AQP3: variants seen among roughly 807,000 people sequenced by gnomAD.
AQP3 encodes aquaporin-3.
In AQP3, 15 loss-of-function variants were observed where a neutral mutation model predicts 30.3. That is an observed-to-expected ratio of 0.49 (90% confidence interval 0.33 to 0.76). The LOEUF is 0.76. Ranked by LOEUF, AQP3 falls within the 30% of genes least tolerant of loss-of-function variation. The pLI is 0.02. For missense variants in AQP3, 272 were observed against 384.8 expected (o/e 0.71, Z 2.45); for synonymous variants, 153 against 163.2 (o/e 0.94, Z 0.47).
At chr9:33,444,264 A>G (rs1288762723) in intron 1 of AQP3, among the ~76,000 whole-genome samples, 1 of 152,102 alleles carries the variant, frequency 6.6e-6, no homozygotes, top group Non-Finnish European at 1.5e-5. Context: ...CCTGGACCAT[A>G]AAGGTGGGAA....
intron 1 of AQP3, among the ~76,000 whole-genome samples, chr9:33,446,796 T>C (rs1053721756): frequency 3.3e-5 from 5 of 152,192 alleles, no homozygotes; most frequent in Non-Finnish European, 5.9e-5. Context: ...GAGCACCAGG[T>C]GAGCAACTTT....
intron 1 of AQP3, 105 bp downstream of exon 1, chr9:33,447,318 G>A: frequency 2.0e-6 from 2 of 1,015,682 alleles, no homozygotes; most frequent in Non-Finnish European, 3.0e-6. Context: ...CAGCTGGGGA[G>A]GTGGGTCCAG....
Position 33,447,545 on chromosome 9 carries a change from C to A in AQP3, c.-15G>T. The A allele has an allele frequency of 6.3e-7, 1 of 1,576,300 alleles. No homozygotes were observed. The highest frequency in any genetic ancestry group is 8.6e-7 in the Non-Finnish European group (1 of 1,159,026). On this transcript the variant is annotated 5_prime_UTR_variant, in exon 1 of 6. Transcript: ENST00000297991. ...TGTCGACCCATGGCGGGGCAGGCGG[C>A]GGCGCTGTCGGGCGGGCAGGGGTGG... is the stretch of plus-strand genomic sequence containing the variant.
chr9:33,445,255 G>C (rs1427277868), intron 1 of AQP3, among the ~76,000 whole-genome samples: 2 of 152,180 alleles, frequency 1.3e-5, no homozygotes, highest in Admixed American at 6.5e-5. Context: ...CTGCTCCAAT[G>C]CCTTGCCCTG....
intron 1 of AQP3, 142 bp from the exon 2 acceptor site, chr9:33,444,034 G>T: frequency 9.3e-7 from 1 of 1,071,600 alleles, no homozygotes; most frequent in Non-Finnish European, 1.3e-6. Context: ...AACCCCTTCT[G>T]CTGTAATTGC....
Position 33,442,392 on chromosome 9 carries a change from C to T in AQP3, c.619G>A (p.Gly207Ser), listed in dbSNP as rs1385647315. 6.2e-7 allele frequency: 1 copy of T among 1,611,844 alleles called. No homozygotes were observed. The highest frequency in any genetic ancestry group is 8.5e-7 in the Non-Finnish European group (1 of 1,179,412). ...LVVLVIGTSMGFNSGYAVNPA... is the reference protein window; with the variant it reads ...LVVLVIGTSMSFNSGYAVNPA... ...TTGACGGCATAGCCGGAGTTGAAGC[C>T]CATGGAGGTGCCAATGACCAGGACC... The change falls in exon 5 of 6, where the codon GGC (glycine) becomes AGC (serine). Residue 207 changes from glycine to serine, a missense_variant. Around this residue, in one of 3 missense-constraint regions of AQP3, gnomAD observed 170 missense variants for 286.4 expected, o/e 0.59. Transcript: ENST00000297991.
Position 33,442,367 on chromosome 9 carries a change from T to C in AQP3, c.644A>G (p.Asn215Ser). The stretch of plus-strand genomic sequence containing the variant: ...GCGGGGGCCAAAGTCCCGGGCAGGG[T>C]TGACGGCATAGCCGGAGTTGAAGCC... ...SMGFNSGYAVNPARDFGPRLF... is the reference protein window; with the variant it reads ...SMGFNSGYAVSPARDFGPRLF... Residue 215 changes from asparagine to serine, a missense_variant, in exon 5 of 6, where the codon AAC (asparagine) becomes AGC (serine). Around this residue, in one of 3 missense-constraint regions of AQP3, gnomAD observed 170 missense variants for 286.4 expected, o/e 0.59. Coordinates refer to ENST00000297991, the MANE Select transcript of AQP3 (RefSeq NM_004925.5). The C allele has an allele frequency of 1.9e-6, 3 of 1,612,136 alleles. No individual in the cohort carries two copies. Among genetic ancestry groups the C allele is most frequent in the Non-Finnish European group, 2.5e-6 (3 of 1,179,414 alleles).
At chr9:33,442,805 A>G (rs1257250948) in intron 4 of AQP3, 47 bp downstream of exon 4, 1 of 1,567,946 alleles carries the variant, frequency 6.4e-7, no homozygotes, top group South Asian at 1.1e-5. Flanking sequence ...CTACCAAGGC[A>G]ACTCGGTCCC....
At chr9:33,442,747 G>C (rs988394719) in intron 4 of AQP3, 105 bp downstream of exon 4, 1 of 1,239,938 alleles carries the variant, frequency 8.1e-7, no homozygotes, top group African/African-American at 1.5e-5. Flanking sequence ...ACAGATTGGA[G>C]AAACCCTGCT....
Position 33,447,531 on chromosome 9 carries a change from G to C in AQP3, c.-1C>G. The C allele has an allele frequency of 1.3e-6, 2 of 1,593,790 alleles. No individual in the cohort carries two copies. The highest frequency in any genetic ancestry group is 1.7e-6 in the Non-Finnish European group (2 of 1,169,642). On this transcript the variant is annotated 5_prime_UTR_variant, in exon 1 of 6. Transcript: ENST00000297991. ...ACACCAGCTCCTTCTGTCGACCCAT[G>C]GCGGGGCAGGCGGCGGCGCTGTCGG...
rs571987509 is a variant in AQP3, at chr9:33,441,207, G to C, written c.*836C>G. ...TTTTTTTTAATATAAAAGTAAAAGAGTACATTGTTGAGTAGAGGATTAAAG... is the reference window on the plus strand; with the variant it reads ...TTTTTTTTAATATAAAAGTAAAAGACTACATTGTTGAGTAGAGGATTAAAG... On this transcript the variant is annotated 3_prime_UTR_variant, in exon 6 of 6. Transcript: ENST00000297991. 3.3e-5 allele frequency: 5 copies of C among 152,668 alleles called. No individual in the cohort carries two copies. Among genetic ancestry groups the C allele is most frequent in the Non-Finnish European group, 7.3e-5 (5 of 68,028 alleles). The allele number at this position is 152,668 out of a possible 1,614,324, so 9.5% of individuals were successfully genotyped here. A position where few individuals can be genotyped will look rare whatever the true frequency, so the allele number is the denominator to read the frequency against.
At position 33,447,420 on chromosome 9, in the gene AQP3, C is replaced by A; in HGVS notation, c.108+3G>T. 6.3e-7 allele frequency: 1 copy of A among 1,595,970 alleles called. No homozygotes were observed. The highest frequency in any genetic ancestry group is 8.5e-7 in the Non-Finnish European group (1 of 1,171,338). On this transcript the variant is annotated splice_donor_region_variant and intron_variant, in intron 1 of 5. Transcript: ENST00000297991. The stretch of plus-strand genomic sequence containing the variant: ...AAGGGCTTCCCCGGCTCCCTCCACT[C>A]ACCACCAGGATGAGGGTCCCCAGGC...
chr9:33,443,429 C>A lies in AQP3; in HGVS notation c.265G>T (p.Ala89Ser). ...GAHLNPAVTF[A>S]MCFLAREPWI... ...GGCTCACGAGCCAGGAAGCACATGG[C>A]AAAGGTCACGGCAGGGTTCAGGTGG... The change falls in exon 3 of 6, where the codon GCC becomes TCC. Residue 89 changes from alanine (A) to serine (S), a missense_variant. Around this residue, in one of 3 missense-constraint regions of AQP3, gnomAD observed 170 missense variants for 286.4 expected, o/e 0.59. Coordinates refer to ENST00000297991, the MANE Select transcript of AQP3 (RefSeq NM_004925.5). The surrounding 1 kb of genome is among the most constrained non-coding windows in gnomAD (Gnocchi z 5.0). 1 of 1,611,904 alleles carries A rather than the reference C, an allele frequency of 6.2e-7. No individual in the cohort carries two copies.
At position 33,443,039 on chromosome 9, in the gene AQP3, C is replaced by A; in HGVS notation, c.374-69G>T. On this transcript the variant is annotated intron_variant, in intron 3 of 5. Transcript: ENST00000297991. The surrounding 1 kb of genome is among the most constrained non-coding windows in gnomAD (Gnocchi z 5.0). ...AGCCCAGACTTCCCTCTCAGGTGTG[C>A]CCTCCCCACCCTCCCATGAGTTATG... The A allele has an allele frequency of 7.2e-7, 1 of 1,384,888 alleles. No homozygotes were observed. The highest frequency in any genetic ancestry group is 1.0e-6 in the Non-Finnish European group (1 of 973,506). 85.8% of individuals were successfully genotyped at this position (1,384,888 alleles called of 1,614,324 possible). A position where few individuals can be genotyped will look rare whatever the true frequency, so the allele number is the denominator to read the frequency against.
At chr9:33,442,616 A>G in intron 4 of AQP3, 98 bp from the exon 5 acceptor site, 1 of 1,307,060 alleles carries the variant, frequency 7.7e-7, no homozygotes, top group South Asian at 1.3e-5. Flanking sequence ...AACTCTTGTC[A>G]GCGCCCGCCC....
At position 33,442,405 on chromosome 9, in the gene AQP3, A is replaced by G. The variant is rs971739933; in HGVS notation, c.606T>C (p.Ile202=). Residue 202 remains isoleucine, a synonymous_variant, in exon 5 of 6, where the codon ATT becomes ATC. Transcript: ENST00000297991. ...AFTVGLVVLV[I]GTSMGFNSGY... ...CGGAGTTGAAGCCCATGGAGGTGCC[A>G]ATGACCAGGACCACCAGGCCCACGG... The G allele has an allele frequency of 3.1e-6, 5 of 1,611,864 alleles. No individual in the cohort carries two copies. The highest frequency in any genetic ancestry group is 4.2e-6 in the Non-Finnish European group (5 of 1,179,372).
chr9:33,441,890 T>A lies in AQP3; in HGVS notation c.*153A>T, dbSNP rs1490185221. 7.8e-7 allele frequency: 1 copy of A among 1,274,988 alleles called. No homozygotes were observed. The highest frequency in any genetic ancestry group is 2.2e-5 in the Admixed American group (1 of 45,902). The allele number at this position is 1,274,988 out of a possible 1,614,324, so 79.0% of individuals were successfully genotyped here. On this transcript the variant is annotated 3_prime_UTR_variant, in exon 6 of 6. Transcript: ENST00000297991. ...CTATTTGGGCAAGGTCCAGTGGAAA[T>A]CCTGAAGGGGCTGTCTCGTGGGGTG...
rs116631970 is a variant in AQP3 at position 33,443,782 on chromosome 9, G to A, written c.219C>T (p.Ile73=). ...FGFAVTLGIL[I]AGQVSGAHLN... is the part of the protein sequence containing the mutation. ...AGGCCTTACCAGAGACCTGGCCAGCGATGAGGATGCCCAGAGTGACAGCAA... is the reference window on the plus strand; with the variant it reads ...AGGCCTTACCAGAGACCTGGCCAGCAATGAGGATGCCCAGAGTGACAGCAA... Residue 73 remains isoleucine (I), a synonymous_variant, in exon 2 of 6, where the codon ATC becomes ATT. Transcript: ENST00000297991. The surrounding 1 kb of genome is among the most constrained non-coding windows in gnomAD (Gnocchi z 5.0). The A allele has an allele frequency of 9.9e-6, 16 of 1,614,000 alleles. No individual in the cohort carries two copies. In the East Asian group the frequency reaches 2.5e-4, roughly 25 times the overall value.
At chr9:33,445,740 T>C (rs1385200055) in intron 1 of AQP3, among the ~76,000 whole-genome samples, 1 of 152,000 alleles carries the variant, frequency 6.6e-6, no homozygotes, top group Admixed American at 6.6e-5. Context: ...TCACACCAGG[T>C]ATCTCAGAGA....
Sources: allele counts gnomAD v4.1 joint callset (sites outside exome capture counted in the v4.1 genomes callset), GRCh38; gene constraint gnomAD v4.1.1; regional missense constraint gnomAD v4.1.1; non-coding constraint Gnocchi (gnomAD v3.1); transcripts MANE v1.5; gene names NCBI Gene and HGNC (gene_info 2026-07-23, HGNC 2026-07-21).